Variants in SDK2 observed in about 807,000 individuals in gnomAD.
SDK2 encodes the protein sidekick cell adhesion molecule 2.
In SDK2, 105 loss-of-function variants were observed where a neutral mutation model predicts 253.9. The observed-to-expected ratio is 0.41, with a 90% CI of 0.35 to 0.49. SDK2 has a LOEUF of 0.49. SDK2 is among the 20% of genes least tolerant of loss of function. SDK2 has a pLI of 0.06. For missense variants in SDK2, 2,608 were observed against 3,003.0 expected (o/e 0.87, Z 3.07); for synonymous variants, 1,249 against 1,234.9 (o/e 1.01, Z -0.24).
At chr17:73,533,643 G>A (rs1209854193) in intron 1 of SDK2, among the ~76,000 whole-genome samples, 2 of 152,110 alleles carry the variant, frequency 1.3e-5, no homozygotes, top group East Asian at 3.9e-4. Flanking sequence ...CTACAGATGG[G>A]CCAGCAAGGC....
rs576977637 is a variant in SDK2 at position 73,543,305 on chromosome 17, G to A, written c.65-35708C>T. 8.5e-5 allele frequency among the ~76,000 whole-genome samples: 13 copies of A among 152,212 alleles called. No individual in the cohort carries two copies. In the South Asian group the frequency reaches 1.0e-3, roughly 12 times the overall value. ...AGGCAGTGATGGTGCCCGCACCCTC[G>A]CAGGTGTGGTGTGTGTGGGGCTGTC... On this transcript the variant is annotated intron_variant, in intron 1 of 44. Coordinates refer to ENST00000392650, the MANE Select transcript of SDK2 (RefSeq NM_001144952.2).
intron 1 of SDK2, among the ~76,000 whole-genome samples, chr17:73,628,623 C>T (rs955303083): frequency 1.3e-5 from 2 of 152,184 alleles, no homozygotes; most frequent in African/African-American, 2.4e-5. Context: ...CCACCTGGGA[C>T]GGGCCCAGAG....
At chr17:73,369,690 G>A (rs566871238) in intron 36 of SDK2, among the ~76,000 whole-genome samples, 33 of 152,270 alleles carry the variant, frequency 2.2e-4, no homozygotes, top group African/African-American at 7.5e-4. Flanking sequence ...ATGGAGTCTC[G>A]CACTGTCACA....
chr17:73,392,430 G>C (rs868714578), intron 27 of SDK2, among the ~76,000 whole-genome samples: 1 of 151,970 alleles, frequency 6.6e-6, no homozygotes, highest in Non-Finnish European at 1.5e-5. Flanking sequence ...CACCACACCC[G>C]GCTAATTTTT....
chr17:73,352,162 A>G lies in SDK2; in HGVS notation c.5758+311T>C, dbSNP rs1049431399. ...AAAGATAGTTTATGGCCTGGTGCCCATGAATGTCCTGGGTGATGAGTGCAT... is the reference window on the plus strand; with the variant it reads ...AAAGATAGTTTATGGCCTGGTGCCCGTGAATGTCCTGGGTGATGAGTGCAT... On this transcript the variant is annotated intron_variant, in intron 41 of 44. Coordinates refer to ENST00000392650, the MANE Select transcript of SDK2 (RefSeq NM_001144952.2). This position sits in a 1 kb window ranked among gnomAD's most constrained non-coding sequence, Gnocchi z 4.1. Among the ~76,000 whole-genome samples, 1 of 152,164 alleles carries G rather than the reference A, an allele frequency of 6.6e-6. No homozygotes were observed. Among genetic ancestry groups the G allele is most frequent in the South Asian group, 2.1e-4 (1 of 4,824 alleles).
intron 1 of SDK2, among the ~76,000 whole-genome samples, chr17:73,546,733 G>A (rs2044971424): frequency 6.6e-6 from 1 of 152,242 alleles, no homozygotes; most frequent in South Asian, 2.1e-4. Flanking sequence ...CTGGCCAGGT[G>A]ACCCATAAGT....
In SDK2 at chr17:73,613,436, C is replaced by A. The variant is rs190780603; in HGVS notation, c.64+30589G>T. 7.6e-3 allele frequency among the ~76,000 whole-genome samples: 1,150 copies of A among 151,604 alleles called. 15 individuals carry two copies. Among genetic ancestry groups the A allele is most frequent in the African/African-American group, 0.026 (1,089 of 41,306 alleles). On this transcript the variant is annotated intron_variant, in intron 1 of 44. Coordinates refer to ENST00000392650, the MANE Select transcript of SDK2 (RefSeq NM_001144952.2). ...CAGGCTGGCGGAATTAGCCGTGAAG[C>A]CAGCAGGACAGGCACCGTATTGTCA...
intron 36 of SDK2, among the ~76,000 whole-genome samples, chr17:73,374,275 T>C (rs2145450554): frequency 6.9e-6 from 1 of 144,704 alleles, no homozygotes; most frequent in South Asian, 2.3e-4. Context: ...ACTCCAGACA[T>C]GCATCTCTGA....
intron 18 of SDK2, among the ~76,000 whole-genome samples, chr17:73,406,742 AAATC>A (rs1316835377): frequency 2.0e-5 from 3 of 152,222 alleles, no homozygotes; most frequent in Admixed American, 2.0e-4. Context: ...CAATCCCTAA[AAATC>A]AAAACCACAA....
At chr17:73,453,341 T>G (rs923370015) in intron 4 of SDK2, among the ~76,000 whole-genome samples, 1 of 151,374 alleles carries the variant, frequency 6.6e-6, no homozygotes, top group African/African-American at 2.4e-5. Flanking sequence ...GAAAAAGAAA[T>G]GTGTATTGCT....
intron 38 of SDK2, among the ~76,000 whole-genome samples, chr17:73,363,670 T>C (rs573952753): frequency 6.6e-6 from 1 of 152,118 alleles, no homozygotes; most frequent in East Asian, 1.9e-4. Context: ...AAGATGGGAA[T>C]GTGTAGGGGT....
Position 73,456,007 on chromosome 17 carries a change from G to A in SDK2, c.378C>T (p.His126=), listed in dbSNP as rs1049060595. The change falls in exon 4 of 45, where the codon CAC becomes CAT. Residue 126 remains histidine, a synonymous_variant. Coordinates refer to ENST00000392650, the MANE Select transcript of SDK2 (RefSeq NM_001144952.2). ...EEGEKHQSVS[H]GEAAVIRAPR... Reference sequence around the variant, plus strand: ...GGGCACGGATGACAGCTGCTTCTCCGTGGGAGACGCTCTGGTGCTTCTCAC... The same window carrying A: ...GGGCACGGATGACAGCTGCTTCTCCATGGGAGACGCTCTGGTGCTTCTCAC... The A allele has an allele frequency of 1.2e-5, 19 of 1,543,918 alleles. No individual in the cohort carries two copies. The highest frequency in any genetic ancestry group is 9.6e-5 in the African/African-American group (7 of 72,796).
intron 1 of SDK2, among the ~76,000 whole-genome samples, chr17:73,576,768 CA>C (rs1377322798): frequency 6.6e-6 from 1 of 152,206 alleles, no homozygotes; most frequent in Admixed American, 6.5e-5. Flanking sequence ...CTATTGTTGA[CA>C]GTGAATTTTT....
chr17:73,422,321 C>A lies in SDK2; in HGVS notation c.2011G>T (p.Val671Leu), dbSNP rs376007378. ...YQFRLCAVND[V>L]GKGQFSKDTE... Reference sequence around the variant, plus strand: ...TCTTTGCTGAACTGTCCTTTCCCCACGTCGTTGACGGCACAAAGACGGAAC... The same window carrying A: ...TCTTTGCTGAACTGTCCTTTCCCCAAGTCGTTGACGGCACAAAGACGGAAC... Residue 671 changes from valine to leucine, a missense_variant, in exon 15 of 45, where the codon GTG becomes TTG. Transcript: ENST00000392650. 10 of 1,613,876 alleles carry A rather than the reference C, an allele frequency of 6.2e-6. No homozygotes were observed. Among genetic ancestry groups the A allele is most frequent in the Non-Finnish European group, 8.5e-6 (10 of 1,179,904 alleles).
chr17:73,614,315 G>A (rs1315125322), intron 1 of SDK2, among the ~76,000 whole-genome samples: 2 of 152,114 alleles, frequency 1.3e-5, no homozygotes, highest in Non-Finnish European at 2.9e-5. Flanking sequence ...AAAGCTTCTC[G>A]AACCCGAGGA....
chr17:73,463,094 C>T (rs1246101367), intron 3 of SDK2, among the ~76,000 whole-genome samples: 1 of 152,094 alleles, frequency 6.6e-6, no homozygotes, highest in East Asian at 1.9e-4. Context: ...GAGACTGAGG[C>T]CCCACGATCC....
At chr17:73,353,139 A>C (rs1204590562) in intron 40 of SDK2, among the ~76,000 whole-genome samples, 1 of 152,156 alleles carries the variant, frequency 6.6e-6, no homozygotes, top group Non-Finnish European at 1.5e-5. Context: ...TTTTTATTAA[A>C]ATATCTGTAC....
intron 2 of SDK2, among the ~76,000 whole-genome samples, chr17:73,494,312 G>A (rs562220211): frequency 5.3e-4 from 80 of 152,218 alleles, no homozygotes; most frequent in African/African-American, 1.7e-3. Flanking sequence ...TGTAAGACAG[G>A]GCTTGGCCTG....
chr17:73,591,039 C>A (rs1201342731), intron 1 of SDK2, among the ~76,000 whole-genome samples: 1 of 152,170 alleles, frequency 6.6e-6, no homozygotes, highest in African/African-American at 2.4e-5. Flanking sequence ...CCTGCCTCAG[C>A]CTCCTGAGTA....
Sources: gnomAD v4.1 joint callset for allele counts (sites outside exome capture counted in the v4.1 genomes callset) on GRCh38, gnomAD v4.1.1 for gene constraint, Gnocchi (gnomAD v3.1) non-coding constraint, MANE v1.5 for transcripts, NCBI Gene and HGNC (gene_info 2026-07-23, HGNC 2026-07-21) for gene names.